The following SLC16A12 variants were observed in gnomAD, a reference collection of about 807,000 sequenced individuals.
SLC16A12 encodes monocarboxylate transporter 12.
SLC16A12 carries 17 observed loss-of-function variants against 42.4 expected under a neutral mutation model. That is an observed-to-expected ratio of 0.40 (90% CI 0.27 to 0.60). The LOEUF is 0.60. Ranked by LOEUF, SLC16A12 falls within the 20% of genes least tolerant of loss-of-function variation. The pLI, the probability that SLC16A12 is intolerant of heterozygous loss-of-function variation, is 0.42. For missense variants in SLC16A12, 544 were observed against 623.0 expected (o/e 0.87, Z 1.35); for synonymous variants, 224 against 229.4 (o/e 0.98, Z 0.21).
chr10:89,442,335 C>T (rs1841925864), intron 4 of SLC16A12, among the ~76,000 whole-genome samples: 1 of 152,252 alleles, frequency 6.6e-6, no homozygotes, highest in East Asian at 1.9e-4. Flanking sequence ...TACAACAGGC[C>T]TCTTGGTCTT....
chr10:89,536,903 T>C (rs2133879931), upstream of SLC16A12, among the ~76,000 whole-genome samples: 1 of 152,284 alleles, frequency 6.6e-6, no homozygotes, highest in African/African-American at 2.4e-5. Context: ...AGTGGTGCGA[T>C]TTTGGCTCAC....
chr10:89,465,339 C>A (rs947875621), intron 2 of SLC16A12, among the ~76,000 whole-genome samples: 1 of 152,146 alleles, frequency 6.6e-6, no homozygotes, highest in Non-Finnish European at 1.5e-5. Context: ...ACACATAATT[C>A]TTGCTGATGA....
At chr10:89,542,076 G>T (rs1314072569) in intron 2 of SLC16A12, among the ~76,000 whole-genome samples, 1 of 151,978 alleles carries the variant, frequency 6.6e-6, no homozygotes, top group East Asian at 1.9e-4. Flanking sequence ...TACGAGAGTG[G>T]CGGGCACAGC....
intron 2 of SLC16A12, among the ~76,000 whole-genome samples, chr10:89,546,190 T>C (rs1005986543): frequency 2.0e-5 from 3 of 151,618 alleles, no homozygotes; most frequent in African/African-American, 4.9e-5. Context: ...AATAGACAAA[T>C]GGGATCTAAT....
intron 3 of SLC16A12, among the ~76,000 whole-genome samples, chr10:89,454,446 T>C (rs1438852707): frequency 6.6e-6 from 1 of 152,122 alleles, no homozygotes; most frequent in Non-Finnish European, 1.5e-5. Context: ...CAGTACATTC[T>C]ACACCCAATG....
chr10:89,445,615 G>A (rs1261513739), intron 3 of SLC16A12, among the ~76,000 whole-genome samples: 1 of 152,154 alleles, frequency 6.6e-6, no homozygotes, highest in Non-Finnish European at 1.5e-5. Flanking sequence ...TAACATCAAA[G>A]ACCAAAGGTA....
At chr10:89,519,099 T>C (rs939565662) in intron 2 of SLC16A12, among the ~76,000 whole-genome samples, 5 of 152,164 alleles carry the variant, frequency 3.3e-5, no homozygotes, top group African/African-American at 1.2e-4. Flanking sequence ...TTGAAATAAT[T>C]CTATGGGACA....
At chr10:89,492,554 C>T (rs1245697040) in intron 2 of SLC16A12, among the ~76,000 whole-genome samples, 1 of 152,072 alleles carries the variant, frequency 6.6e-6, no homozygotes, top group Non-Finnish European at 1.5e-5. Context: ...GCCTGATAAA[C>T]GTGGAGAAAC....
chr10:89,450,219 A>G (rs886760746), intron 3 of SLC16A12, among the ~76,000 whole-genome samples: 5 of 152,250 alleles, frequency 3.3e-5, no homozygotes, highest in Admixed American at 3.3e-4. Context: ...TCAAGGATCT[A>G]GAATTAGAAA....
At chr10:89,555,146 G>A (rs951531931) in intron 2 of SLC16A12, among the ~76,000 whole-genome samples, 1 of 151,798 alleles carries the variant, frequency 6.6e-6, no homozygotes, top group East Asian at 1.9e-4. Flanking sequence ...GATTAACAAA[G>A]CAAATTAGTA....
intron 2 of SLC16A12, among the ~76,000 whole-genome samples, chr10:89,491,532 C>T (rs1842847511): frequency 6.7e-6 from 1 of 149,298 alleles, no homozygotes; most frequent in Non-Finnish European, 1.5e-5. Context: ...TAAATTAATT[C>T]CAGAAAGCTG....
At chr10:89,472,487 C>CTTTTTTTTTTTTTTTTTTTTTTTTTT (rs71022567) in intron 2 of SLC16A12, among the ~76,000 whole-genome samples, 81 of 89,908 alleles carry the variant, frequency 9.0e-4, no homozygotes, top group Non-Finnish European at 1.1e-3. Flanking sequence ...TCTTTTCTTT[C>CTTTTTTTTTTTTTTTTTTTTTTTTTT]TTTTTTTTTT....
intron 2 of SLC16A12, among the ~76,000 whole-genome samples, chr10:89,541,641 T>C (rs1195336979): frequency 6.6e-6 from 1 of 152,192 alleles, no homozygotes; most frequent in East Asian, 1.9e-4. Context: ...CCAGTTTCTG[T>C]GCTAATTAGG....
upstream of SLC16A12, among the ~76,000 whole-genome samples, chr10:89,540,412 C>T (rs559383190): frequency 4.6e-4 from 70 of 152,236 alleles, no homozygotes; most frequent in Middle Eastern, 3.4e-3. Flanking sequence ...AGTCCACCTT[C>T]TTTATCATCT....
chr10:89,554,609 C>T (rs564083075), intron 2 of SLC16A12, among the ~76,000 whole-genome samples: 173 of 152,264 alleles, frequency 1.1e-3, no homozygotes, highest in African/African-American at 4.0e-3. Context: ...ATCCACCTTT[C>T]CCAGAGCTGC....
At chr10:89,492,400 A>G (rs1324147182) in intron 2 of SLC16A12, among the ~76,000 whole-genome samples, 1 of 152,104 alleles carries the variant, frequency 6.6e-6, no homozygotes, top group Non-Finnish European at 1.5e-5. Flanking sequence ...GAATGGGGAC[A>G]ACTCACCTAT....
At chr10:89,459,516 A>ATGTGTGTGTGTG (rs58259835) in intron 3 of SLC16A12, among the ~76,000 whole-genome samples, 121 of 149,740 alleles carry the variant, frequency 8.1e-4, no homozygotes, top group Non-Finnish European at 1.4e-3. Context: ...TTCTGTGTTT[A>ATGTGTGTGTGTG]TGTGTGTGTG....
intron 2 of SLC16A12, among the ~76,000 whole-genome samples, chr10:89,487,375 T>G (rs1284423305): frequency 6.6e-6 from 1 of 151,924 alleles, no homozygotes; most frequent in Non-Finnish European, 1.5e-5. Flanking sequence ...AAAAGGGAAC[T>G]CTCATACATT....
chr10:89,454,518 T>C (rs1406693448), intron 3 of SLC16A12, among the ~76,000 whole-genome samples: 4 of 152,154 alleles, frequency 2.6e-5, no homozygotes, highest in Admixed American at 2.0e-4. Context: ...GGAGACTGCA[T>C]GAGCTAGCCC....
Sources: allele counts gnomAD v4.1 joint callset (sites outside exome capture counted in the v4.1 genomes callset), GRCh38; gene constraint gnomAD v4.1.1; transcripts MANE v1.5; gene names NCBI Gene and HGNC (gene_info 2026-07-23, HGNC 2026-07-21).